Variants in STAU2 observed in about 807,000 individuals in gnomAD.
STAU2 encodes double-stranded RNA-binding protein Staufen homolog 2.
STAU2 carries 20 observed loss-of-function variants against 65.9 expected under a neutral mutation model. The observed-to-expected ratio is 0.30, with a 90% CI of 0.21 to 0.44. The LOEUF (loss-of-function observed/expected upper bound fraction) is 0.44. Ranked by LOEUF, STAU2 falls within the 20% of genes least tolerant of loss-of-function variation. The pLI is 1.00. For missense variants in STAU2, 558 were observed against 683.9 expected (o/e 0.82, Z 2.05); for synonymous variants, 232 against 233.9 (o/e 0.99, Z 0.07).
At chr8:73,533,738 CTGAA>C (rs372721085) in intron 13 of STAU2, among the ~76,000 whole-genome samples, 4 of 152,234 alleles carry the variant, frequency 2.6e-5, no homozygotes, top group African/African-American at 7.2e-5. Context: ...CTGTTTCTGT[CTGAA>C]TGAATGAATG....
intron 6 of STAU2, among the ~76,000 whole-genome samples, chr8:73,651,009 G>C (rs1341870171): frequency 6.6e-6 from 1 of 152,148 alleles, no homozygotes; most frequent in African/African-American, 2.4e-5. Context: ...AGCCCTGCCC[G>C]GCCATGCGTC....
intron 13 of STAU2, among the ~76,000 whole-genome samples, chr8:73,436,981 C>G (rs1184548509): frequency 2.0e-5 from 3 of 152,138 alleles, no homozygotes. Context: ...ATTAACACAC[C>G]TAACAATATT....
intron 13 of STAU2, among the ~76,000 whole-genome samples, chr8:73,457,093 C>T (rs1250722384): frequency 1.3e-5 from 2 of 152,126 alleles, no homozygotes; most frequent in Non-Finnish European, 1.5e-5. Flanking sequence ...TTTCATAATC[C>T]TCTCTGGCCT....
At chr8:73,724,653 T>TTG (rs369351905) in intron 3 of STAU2, among the ~76,000 whole-genome samples, 43,624 of 98,676 alleles carry the variant, frequency 0.44, 8,899 homozygotes, top group Non-Finnish European at 0.51. Flanking sequence ...GTTCAGTAGG[T>TTG]TGTGTGTGTG....
At chr8:73,543,333 GTATACATTTTGGTGACTA>G (rs1806673936) in intron 13 of STAU2, among the ~76,000 whole-genome samples, 1 of 152,184 alleles carries the variant, frequency 6.6e-6, no homozygotes, top group African/African-American at 2.4e-5. Flanking sequence ...TATGGTGGTA[GTATACATTTTGGTGACTA>G]TATACATTTT....
intron 13 of STAU2, among the ~76,000 whole-genome samples, chr8:73,523,121 G>A (rs1200060108): frequency 4.0e-5 from 6 of 149,884 alleles, no homozygotes; most frequent in East Asian, 2.0e-4. Flanking sequence ...ACTTGAACCC[G>A]GGAAGTGGAG....
At chr8:73,507,619 T>C (rs1822140407) in intron 13 of STAU2, among the ~76,000 whole-genome samples, 1 of 152,180 alleles carries the variant, frequency 6.6e-6, no homozygotes, top group South Asian at 2.1e-4. Flanking sequence ...CAACTTGAAG[T>C]CATCAGGTGC....
chr8:73,451,853 G>A (rs893109170), intron 13 of STAU2, among the ~76,000 whole-genome samples: 1 of 152,174 alleles, frequency 6.6e-6, no homozygotes, highest in Non-Finnish European at 1.5e-5. Flanking sequence ...AACCCAAACC[G>A]TGTCTATTTC....
intron 13 of STAU2, among the ~76,000 whole-genome samples, chr8:73,482,132 C>T (rs1489599370): frequency 6.6e-6 from 1 of 152,002 alleles, no homozygotes; most frequent in South Asian, 2.1e-4. Flanking sequence ...TCATCTAATC[C>T]CCACCATAAC....
intron 3 of STAU2, among the ~76,000 whole-genome samples, chr8:73,733,409 A>C (rs1806207952): frequency 3.3e-5 from 5 of 152,158 alleles, no homozygotes. Flanking sequence ...GTATCTTCGT[A>C]ATTTATATTT....
At chr8:73,488,193 T>A (rs547957759) in intron 13 of STAU2, among the ~76,000 whole-genome samples, 1 of 152,092 alleles carries the variant, frequency 6.6e-6, no homozygotes, top group Admixed American at 6.6e-5. Context: ...TTACCTTAAC[T>A]TGTAAACATA....
chr8:73,506,950 T>C (rs989704446), intron 13 of STAU2, among the ~76,000 whole-genome samples: 1 of 152,186 alleles, frequency 6.6e-6, no homozygotes, highest in Admixed American at 6.6e-5. Context: ...AGTTCAAGTT[T>C]CATGAGATTG....
At chr8:73,731,383 G>A (rs1437436452) in intron 3 of STAU2, among the ~76,000 whole-genome samples, 3 of 151,976 alleles carry the variant, frequency 2.0e-5, no homozygotes, top group Non-Finnish European at 4.4e-5. Flanking sequence ...TTTTATCTCA[G>A]TAGGACTGCT....
At chr8:73,549,843 A>G (rs1332462111) in intron 13 of STAU2, 1 of 966,240 alleles carries the variant, frequency 1.0e-6, no homozygotes, top group Non-Finnish European at 1.2e-6. Flanking sequence ...AGAATAGTGT[A>G]TAATCTGTAA....
At chr8:73,647,044 C>CATCT (rs57277688) in intron 6 of STAU2, among the ~76,000 whole-genome samples, 41,892 of 151,398 alleles carry the variant, frequency 0.28, 6,258 homozygotes, top group East Asian at 0.45. Flanking sequence ...TATAACTACA[C>CATCT]ATCAGAATGA....
intron 12 of STAU2, among the ~76,000 whole-genome samples, chr8:73,563,931 T>C (rs1808412570): frequency 6.6e-6 from 1 of 152,174 alleles, no homozygotes; most frequent in African/African-American, 2.4e-5. Flanking sequence ...AAAATACCTT[T>C]TTGAGAATTC....
At chr8:73,563,845 C>T (rs1808406784) in intron 12 of STAU2, among the ~76,000 whole-genome samples, 1 of 152,092 alleles carries the variant, frequency 6.6e-6, no homozygotes. Context: ...TTGGGTGACA[C>T]CAGCAAGATG....
At chr8:73,550,912 T>G (rs1202560490) in intron 13 of STAU2, 1 of 986,258 alleles carries the variant, frequency 1.0e-6, no homozygotes, top group Non-Finnish European at 1.2e-6. Flanking sequence ...TCTTTTTCAT[T>G]TTATAATCTA....
At chr8:73,613,435 T>C (rs1170146936) in intron 9 of STAU2, among the ~76,000 whole-genome samples, 2 of 152,216 alleles carry the variant, frequency 1.3e-5, no homozygotes, top group Admixed American at 6.5e-5. Flanking sequence ...AGGGCTAACA[T>C]CATCTACCTT....
Sources: allele counts gnomAD v4.1 joint callset (sites outside exome capture counted in the v4.1 genomes callset), GRCh38; gene constraint gnomAD v4.1.1; transcripts MANE v1.5; gene names NCBI Gene and HGNC (gene_info 2026-07-23, HGNC 2026-07-21).